The following MRPL36 variants were observed in gnomAD, a reference collection of about 807,000 sequenced individuals.
MRPL36 encodes mitochondrial ribosomal protein L36.
MRPL36 carries 1 observed loss-of-function variant against 2.8 expected under a neutral mutation model. The observed-to-expected ratio is 0.36, with a 90% CI of 0.13 to 1.69. MRPL36 has a LOEUF of 1.69. Among genes scored for constraint, MRPL36 ranks in the 40% most tolerant of loss-of-function variants. MRPL36 has a pLI of 0.35. For synonymous variants in MRPL36, 68 were observed against 54.8 expected, an observed-to-expected ratio of 1.24 and a Z score of -1.06; for missense variants, 148 against 132.7, an observed-to-expected ratio of 1.12 and a Z score of -0.57.
chr5:1,801,315 C>CGCT, upstream of MRPL36: 1 of 1,493,570 alleles, frequency 6.7e-7, no homozygotes, highest in East Asian at 2.4e-5. Context: ...GCTCCCCGCC[C>CGCT]CCAGGGCGAA....
In MRPL36 at chr5:1,799,173, G is replaced by A. The variant is rs1733944483; in HGVS notation, c.-12-226C>T. ...GGACGGTGGCTTCCTTCCCTTTCCC[G>A]CCTGCTGCAAGTGTAGGTGAGTGTG... On this transcript the variant is annotated intron_variant, in intron 1 of 1. Transcript: ENST00000505059. The A allele has an allele frequency of 6.4e-6, 3 of 470,420 alleles. No homozygotes were observed. The Admixed American group carries it at 1.1e-4, about 17-fold the overall frequency. The allele number at this position is 470,420 out of a possible 1,614,324, so 29.1% of individuals were successfully genotyped here.
intron 1 of MRPL36, 33 bp from the exon 2 acceptor site, chr5:1,798,980 T>G: frequency 6.8e-7 from 1 of 1,475,926 alleles, no homozygotes; most frequent in Non-Finnish European, 9.2e-7. Flanking sequence ...AGTTATAGCT[T>G]CTCCTGCACT....
chr5:1,801,343 G>C, upstream of MRPL36: 1 of 1,551,952 alleles, frequency 6.4e-7, no homozygotes, highest in Non-Finnish European at 8.7e-7. Context: ...CCGGGTGTTT[G>C]GCGCCGCCAG....
upstream of MRPL36, chr5:1,801,307 T>TTGCCCCGACCCGCGCTCC: frequency 9.0e-7 from 1 of 1,105,368 alleles, no homozygotes; most frequent in Non-Finnish European, 1.2e-6. Context: ...CGACCCGCGC[T>TTGCCCCGACCCGCGCTCC]CCCCGCCCCC....
At chr5:1,800,144 G>A (rs979842366), upstream of MRPL36, among the ~76,000 whole-genome samples, 13 of 152,306 alleles carry the variant, frequency 8.5e-5, no homozygotes, top group African/African-American at 2.9e-4. Flanking sequence ...CTGAGAAAGA[G>A]GACATGTTTT....
Position 1,798,891 on chromosome 5 carries a change from A to G in MRPL36, c.45T>C (p.Tyr15=). Residue 15 remains tyrosine (Y), a synonymous_variant, in exon 2 of 2, where the codon TAT becomes TAC. Coordinates refer to ENST00000505059, the MANE Select transcript of MRPL36 (RefSeq NM_032479.4). Reference sequence around the variant, plus strand: ...GAGGCTTCACCGTGTGACGACTGAGATAGAGCAGAGGGTTCACCATTTTCC... The same window carrying G: ...GAGGCTTCACCGTGTGACGACTGAGGTAGAGCAGAGGGTTCACCATTTTCC... ...FIRKMVNPLL[Y]LSRHTVKPRA... 6.2e-7 allele frequency: 1 copy of G among 1,609,960 alleles called. No individual in the cohort carries two copies. Among genetic ancestry groups the G allele is most frequent in the Non-Finnish European group, 8.5e-7 (1 of 1,176,516 alleles).
At chr5:1,800,896 G>T (rs189545619), upstream of MRPL36, among the ~76,000 whole-genome samples, 2 of 152,318 alleles carry the variant, frequency 1.3e-5, no homozygotes, top group African/African-American at 4.8e-5. Context: ...CGAGGAGAAT[G>T]CACTTCCAGT....
At position 1,798,657 on chromosome 5, in the gene MRPL36, T is replaced by C; in HGVS notation, c.279A>G (p.Lys93=). ...GTCTCTGCTTGTGCCTCGGATGGGT[T>C]TTACAGTAGACGTACCACCGACCCC... The part of the protein sequence containing the change: ...KRRGRWYVYC[K]THPRHKQRQM The change falls in exon 2 of 2, where the codon AAA becomes AAG. Residue 93 remains lysine (K), a synonymous_variant. Transcript: ENST00000505059. 6.2e-7 allele frequency: 1 copy of C among 1,613,220 alleles called. No homozygotes were observed. The highest frequency in any genetic ancestry group is 8.5e-7 in the Non-Finnish European group (1 of 1,179,316).
chr5:1,799,914 G>C (rs912050284), upstream of MRPL36: 2 of 151,488 alleles, frequency 1.3e-5, no homozygotes, highest in African/African-American at 2.4e-5. Flanking sequence ...GTCCAGTGCG[G>C]GGCGCAGAGA....
rs1372451774 is a variant in MRPL36, at chr5:1,799,787, C to G, written c.-13+5G>C. 6.6e-6 allele frequency: 1 copy of G among 152,286 alleles called. No individual in the cohort carries two copies. Among genetic ancestry groups the G allele is most frequent in the Non-Finnish European group, 1.5e-5 (1 of 68,172 alleles). The allele number at this position is 152,286 out of a possible 1,614,324, so 9.4% of individuals were successfully genotyped here. ...ACCCCTGACCTGAGAAGACGGCTCC[C>G]TTACCCGGCCGCACGCTCTCACCCG... On this transcript the variant is annotated splice_donor_5th_base_variant and intron_variant, in intron 1 of 1. Transcript: ENST00000505059.
chr5:1,798,454 T>A lies in MRPL36; in HGVS notation c.*170A>T, dbSNP rs1024610603. On this transcript the variant is annotated 3_prime_UTR_variant, in exon 2 of 2. Transcript: ENST00000505059. ...ACGTTTTGGAAATAAGATAACGCAA[T>A]GTCTTCTATAGTTACTCATTTACAC... is the stretch of plus-strand genomic sequence containing the variant. The A allele has an allele frequency of 1.6e-6, 1 of 608,714 alleles. No homozygotes were observed. The highest frequency in any genetic ancestry group is 1.8e-5 in the African/African-American group (1 of 54,106). 37.7% of individuals were successfully genotyped at this position (608,714 alleles called of 1,614,324 possible). A position where few individuals can be genotyped will look rare whatever the true frequency, so the allele number is the denominator to read the frequency against.
At position 1,798,552 on chromosome 5, in the gene MRPL36, C is replaced by T. The variant is rs944118019; in HGVS notation, c.*72G>A. 3.4e-6 allele frequency: 5 copies of T among 1,463,742 alleles called. No homozygotes were observed. The allele number at this position is 1,463,742 out of a possible 1,614,324, so 90.7% of individuals were successfully genotyped here. A position where few individuals can be genotyped will look rare whatever the true frequency, so the allele number is the denominator to read the frequency against. ...CCCTGACTCCTTGATGTGATAATTC[C>T]TTCCATAAGATACAACCATTCTCCC... On this transcript the variant is annotated 3_prime_UTR_variant, in exon 2 of 2. Transcript: ENST00000505059.
Position 1,798,946 on chromosome 5 carries a change from A to C in MRPL36, c.-11T>G, listed in dbSNP as rs925318750. 1 of 1,571,064 alleles carries C rather than the reference A, an allele frequency of 6.4e-7. No homozygotes were observed. Among genetic ancestry groups the C allele is most frequent in the Non-Finnish European group, 8.7e-7 (1 of 1,154,304 alleles). ...AAAAAGATTTGCCATGTTGTGGTGA[A>C]TCTATGGGAGAGAGAAAAAAAGGAG... is the stretch of plus-strand genomic sequence containing the variant. On this transcript the variant is annotated splice_region_variant and 5_prime_UTR_variant, in exon 2 of 2. Transcript: ENST00000505059.
At chr5:1,799,900 C>T (rs1313390471), upstream of MRPL36, 1 of 149,854 alleles carries the variant, frequency 6.7e-6, no homozygotes, top group Admixed American at 6.6e-5. Flanking sequence ...CGTGGCGTGC[C>T]CACGTCCAGT....
intron 1 of MRPL36, chr5:1,799,191 T>G: frequency 2.3e-6 from 1 of 444,254 alleles, no homozygotes; most frequent in African/African-American, 2.0e-5. Flanking sequence ...CAAGTGTAGG[T>G]GAGTGTGCAA....
At chr5:1,799,688 C>A (rs116351806) in intron 1 of MRPL36, 104 bp downstream of exon 1, 1 of 152,298 alleles carries the variant, frequency 6.6e-6, no homozygotes, top group East Asian at 1.9e-4. Flanking sequence ...GCAGCCCACT[C>A]GGGGAGACAC....
At chr5:1,800,324 T>A (rs1417564774), upstream of MRPL36, among the ~76,000 whole-genome samples, 1 of 152,212 alleles carries the variant, frequency 6.6e-6, no homozygotes, top group African/African-American at 2.4e-5. Context: ...GATTCTACCC[T>A]TAGCTCGCTT....
At position 1,798,520 on chromosome 5, in the gene MRPL36, C is replaced by T. The variant is rs992409621; in HGVS notation, c.*104G>A. ...AACTTTTAGGGCGTTTGCTTCCAGT[C>T]ACTTTCCCCTGACTCCTTGATGTGA... On this transcript the variant is annotated 3_prime_UTR_variant, in exon 2 of 2. Coordinates refer to ENST00000505059, the MANE Select transcript of MRPL36 (RefSeq NM_032479.4). 1.8e-5 allele frequency: 21 copies of T among 1,172,558 alleles called. No homozygotes were observed. The highest frequency in any genetic ancestry group is 2.3e-5 in the Non-Finnish European group (19 of 827,808). 72.6% of individuals were successfully genotyped at this position (1,172,558 alleles called of 1,614,324 possible).
upstream of MRPL36, chr5:1,799,888 C>CACGTGGCGTGCCCACGTCCAA (rs1265933045): frequency 4.5e-5 from 6 of 132,222 alleles, no homozygotes; most frequent in African/African-American, 1.7e-4. Flanking sequence ...GGGGGGGGGT[C>CACGTGGCGTGCCCACGTCCAA]ACGTGGCGTG....
Sources: allele counts gnomAD v4.1 joint callset (sites outside exome capture counted in the v4.1 genomes callset), GRCh38; gene constraint gnomAD v4.1.1; transcripts MANE v1.5; gene names NCBI Gene and HGNC (gene_info 2026-07-23, HGNC 2026-07-21).